The following ASB4 variants were observed in gnomAD, a reference collection of about 807,000 sequenced individuals.
ASB4 encodes the protein ankyrin repeat and SOCS box containing 4.
Under a neutral mutation model 38.6 loss-of-function variants are expected in ASB4, and 35 were observed. That is an observed-to-expected ratio of 0.91 (90% CI 0.69 to 1.20). The LOEUF (loss-of-function observed/expected upper bound fraction) is 1.20, where lower values mean the gene tolerates loss of function less well. Ranked by LOEUF, ASB4 falls within the 50% of genes most tolerant of loss-of-function variation. The probability of loss-of-function intolerance (pLI) is 0.00; values close to 1 mark genes in which losing one functional copy is unlikely to be tolerated. For synonymous variants in ASB4, 195 were observed against 201.3 expected, an observed-to-expected ratio of 0.97 and a Z score of 0.26; for missense variants, 557 against 527.2, an observed-to-expected ratio of 1.06 and a Z score of -0.55.
chr7:95,499,108 T>C (rs1253760886), intron 2 of ASB4, among the ~76,000 whole-genome samples: 1 of 152,190 alleles, frequency 6.6e-6, no homozygotes, highest in Non-Finnish European at 1.5e-5. Flanking sequence ...GTTTTAAGTA[T>C]GAGAGTTTTC....
intron 1 of ASB4, among the ~76,000 whole-genome samples, chr7:95,491,745 A>G (rs1790174180): frequency 6.6e-6 from 1 of 152,126 alleles, no homozygotes; most frequent in Non-Finnish European, 1.5e-5. Flanking sequence ...AGATAGCTTT[A>G]CCTGGGGTTT....
chr7:95,480,135 C>T (rs1400085039), intron 1 of ASB4, among the ~76,000 whole-genome samples: 1 of 152,100 alleles, frequency 6.6e-6, no homozygotes, highest in East Asian at 1.9e-4. Context: ...AGGAGCACAC[C>T]TTGTTCTGAT....
chr7:95,504,515 A>C (rs1466994479), intron 2 of ASB4, among the ~76,000 whole-genome samples: 3 of 152,174 alleles, frequency 2.0e-5, no homozygotes, highest in African/African-American at 7.2e-5. Context: ...TTGTAATAGC[A>C]TAAATCTGAC....
intron 2 of ASB4, among the ~76,000 whole-genome samples, chr7:95,510,137 T>G (rs1444147250): frequency 1.3e-5 from 2 of 151,160 alleles, no homozygotes; most frequent in Non-Finnish European, 2.9e-5. Context: ...AAAAAAAAAA[T>G]GAGAAGGCAG....
Position 95,536,800 on chromosome 7 carries a change from G to GT in ASB4, c.1092+254dup, listed in dbSNP as rs1297895316. On this transcript the variant is annotated intron_variant, in intron 4 of 4. Coordinates refer to ENST00000325885, the MANE Select transcript of ASB4 (RefSeq NM_016116.3). ...TTGAATTAAGTATATAAAGGTGGCA[G>GT]TTTTCCTTTCTTCTCATTAATTTAG... Among the ~76,000 whole-genome samples the GT allele has an allele frequency of 2.0e-5, 3 of 152,166 alleles. No homozygotes were observed. In the East Asian group the frequency reaches 5.8e-4, roughly 29 times the overall value.
At chr7:95,515,233 T>C (rs146207329) in intron 2 of ASB4, among the ~76,000 whole-genome samples, 8,092 of 84,230 alleles carry the variant, frequency 0.096, 248 homozygotes, top group Middle Eastern at 0.13. Context: ...TTCTTTCTTT[T>C]TCTTTCTTTC....
chr7:95,536,082 C>T (rs1386797855), intron 3 of ASB4, among the ~76,000 whole-genome samples: 3 of 152,146 alleles, frequency 2.0e-5, no homozygotes, highest in African/African-American at 7.2e-5. Context: ...TTCACTTGCT[C>T]GTGGAAGGTG....
chr7:95,479,567 G>A (rs1487704749), intron 1 of ASB4, among the ~76,000 whole-genome samples: 4 of 152,088 alleles, frequency 2.6e-5, no homozygotes, highest in Non-Finnish European at 4.4e-5. Flanking sequence ...ATCCTAATGT[G>A]GTTTGAAAAT....
At chr7:95,479,657 A>C (rs1014889434) in intron 1 of ASB4, among the ~76,000 whole-genome samples, 14 of 152,210 alleles carry the variant, frequency 9.2e-5, no homozygotes, top group Admixed American at 4.6e-4. Flanking sequence ...GCTTGTCTAC[A>C]GAAGAAACAA....
chr7:95,478,829 A>G (rs1789999943), intron 1 of ASB4, among the ~76,000 whole-genome samples: 2 of 152,342 alleles, frequency 1.3e-5, no homozygotes, highest in East Asian at 1.9e-4. Context: ...ATTGTTGAAC[A>G]GATTTTATGT....
chr7:95,535,520 G>A (rs1790878841), intron 3 of ASB4, among the ~76,000 whole-genome samples: 1 of 152,146 alleles, frequency 6.6e-6, no homozygotes, highest in South Asian at 2.1e-4. Context: ...CTGCTTGTTG[G>A]GTGGCAATGG....
intron 4 of ASB4, among the ~76,000 whole-genome samples, chr7:95,537,288 T>C (rs1169855996): frequency 6.6e-6 from 1 of 152,214 alleles, no homozygotes; most frequent in Non-Finnish European, 1.5e-5. Flanking sequence ...ACATAATGTG[T>C]TTAAAATTGC....
upstream of ASB4, among the ~76,000 whole-genome samples, chr7:95,474,669 A>G (rs1444712328): frequency 3.9e-5 from 6 of 152,094 alleles, no homozygotes; most frequent in Admixed American, 1.3e-4. Flanking sequence ...CTACGGGCAC[A>G]TGCCACCATG....
intron 2 of ASB4, among the ~76,000 whole-genome samples, chr7:95,496,564 C>A (rs1373033768): frequency 1.3e-5 from 2 of 152,052 alleles, no homozygotes; most frequent in African/African-American, 4.8e-5. Flanking sequence ...ATGAAAAGGA[C>A]GGCCAGGTGC....
In ASB4 at chr7:95,537,798, G is replaced by A; in HGVS notation, c.*39G>A. 1 of 1,568,812 alleles carries A rather than the reference G, an allele frequency of 6.4e-7. No individual in the cohort carries two copies. On this transcript the variant is annotated 3_prime_UTR_variant, in exon 5 of 5. Coordinates refer to ENST00000325885, the MANE Select transcript of ASB4 (RefSeq NM_016116.3). Reference sequence around the variant, plus strand: ...GCAGTTCCCAATCCTAGGTATTTAAGTGGACTTGCTGGGTAGACACAGTTT... The same window carrying A: ...GCAGTTCCCAATCCTAGGTATTTAAATGGACTTGCTGGGTAGACACAGTTT...
intron 2 of ASB4, among the ~76,000 whole-genome samples, chr7:95,501,734 G>T (rs898381699): frequency 2.0e-5 from 3 of 152,136 alleles, no homozygotes; most frequent in African/African-American, 7.2e-5. Flanking sequence ...TTCCCAGCCG[G>T]TACAGTTATT....
intron 2 of ASB4, among the ~76,000 whole-genome samples, chr7:95,497,535 C>G (rs954085594): frequency 1.3e-5 from 2 of 152,126 alleles, no homozygotes; most frequent in Admixed American, 1.3e-4. Flanking sequence ...TAGGGATAAT[C>G]ATTAAATCCA....
At position 95,537,604 on chromosome 7, in the gene ASB4, G is replaced by C. The variant is rs1292773515; in HGVS notation, c.1126G>C (p.Val376Leu). Residue 376 changes from valine to leucine, a missense_variant, in exon 5 of 5, where the codon GTG becomes CTG. Transcript: ENST00000325885. ...GGATTTTTACCACTCTCTCTTTACT[G>C]TGTGCTGTAACTCTCCAAGGACTCT... Reference protein sequence around the residue: ...YWDFYHSLFTVCCNSPRTLMH... With the variant: ...YWDFYHSLFTLCCNSPRTLMH... 5.6e-6 allele frequency: 9 copies of C among 1,609,984 alleles called. No homozygotes were observed. Among genetic ancestry groups the C allele is most frequent in the African/African-American group, 5.3e-5 (4 of 74,800 alleles).
chr7:95,484,883 A>C (rs1484670740), upstream of ASB4, among the ~76,000 whole-genome samples: 2 of 151,836 alleles, frequency 1.3e-5, no homozygotes, highest in Admixed American at 1.3e-4. Context: ...ATACCAATAT[A>C]TCCCTTACTA....
Sources: gnomAD v4.1 joint callset for allele counts (sites outside exome capture counted in the v4.1 genomes callset) on GRCh38, gnomAD v4.1.1 for gene constraint, MANE v1.5 for transcripts, NCBI Gene and HGNC (gene_info 2026-07-23, HGNC 2026-07-21) for gene names.